CYP4F22: variants seen among roughly 807,000 people sequenced by gnomAD.
CYP4F22 encodes cytochrome P450 family 4 subfamily F member 22.
A neutral mutation model predicts 60.4 loss-of-function variants in CYP4F22; 37 were observed. That is an observed-to-expected ratio of 0.61 (90% CI 0.47 to 0.81). CYP4F22 has a LOEUF of 0.81. Ranked by LOEUF, CYP4F22 falls within the 30% of genes least tolerant of loss-of-function variation. CYP4F22 has a pLI of 0.00. For missense variants in CYP4F22, 655 were observed against 715.0 expected, an observed-to-expected ratio of 0.92 and a Z score of 0.96; for synonymous variants, 258 against 280.5, an observed-to-expected ratio of 0.92 and a Z score of 0.80.
At chr19:15,541,773 G>A (rs976051888) in intron 8 of CYP4F22, among the ~76,000 whole-genome samples, 3 of 151,492 alleles carry the variant, frequency 2.0e-5, no homozygotes, top group East Asian at 1.9e-4. Context: ...CCAGCTACTC[G>A]GGAGGTTGAG....
chr19:15,550,652 T>C (rs1282445287), intron 12 of CYP4F22, 22 bp from the exon 13 acceptor site: 5 of 1,613,828 alleles, frequency 3.1e-6, no homozygotes, highest in South Asian at 1.1e-5. Context: ...CCCAGACTCA[T>C]CTCCAGGCTG....
intron 1 of CYP4F22, among the ~76,000 whole-genome samples, chr19:15,520,345 C>CAAAAAAA (rs1200559538): frequency 1.4e-5 from 1 of 72,114 alleles, no homozygotes; most frequent in Non-Finnish European, 2.6e-5. Context: ...GCCTCCATCT[C>CAAAAAAA]AAAAAAAAAA....
At chr19:15,538,571 T>C (rs1003779508) in intron 7 of CYP4F22, among the ~76,000 whole-genome samples, 2 of 152,126 alleles carry the variant, frequency 1.3e-5, no homozygotes, top group Admixed American at 6.6e-5. Context: ...GAGAACAGGG[T>C]GGTGAACAAC....
At chr19:15,546,955 C>G (rs1178222266) in intron 10 of CYP4F22, among the ~76,000 whole-genome samples, 1 of 150,308 alleles carries the variant, frequency 6.7e-6, no homozygotes, top group Non-Finnish European at 1.5e-5. Flanking sequence ...AAGTTATCCA[C>G]TTGCTTCGGC....
In CYP4F22 at chr19:15,530,979, C is replaced by A. The variant is rs117780788; in HGVS notation, c.367+1126C>A. ...CCAGTAGGTCAGGCATGGTGGTTCA[C>A]ATCTGTAATCCCAACACTTTGGGAA... is the stretch of plus-strand genomic sequence containing the variant. On this transcript the variant is annotated intron_variant, in intron 4 of 13. Coordinates refer to ENST00000269703, the MANE Select transcript of CYP4F22 (RefSeq NM_173483.4). Among the ~76,000 whole-genome samples, 764 of 152,284 alleles carry A rather than the reference C, an allele frequency of 5.0e-3. 2 individuals are homozygous for A. Among genetic ancestry groups the A allele is most frequent in the Non-Finnish European group, 8.0e-3 (544 of 68,028 alleles).
At chr19:15,542,543 T>A (rs535461177) in intron 8 of CYP4F22, among the ~76,000 whole-genome samples, 34 of 152,016 alleles carry the variant, frequency 2.2e-4, no homozygotes, top group African/African-American at 5.3e-4. Context: ...TCTCAAAAAA[T>A]TTTTTTTTAA....
At chr19:15,540,354 C>T in intron 7 of CYP4F22, 96 bp from the exon 8 acceptor site, 1 of 1,434,212 alleles carries the variant, frequency 7.0e-7, no homozygotes, top group Non-Finnish European at 9.8e-7. Context: ...TCTTTGTTAT[C>T]TATTCAATGG....
At chr19:15,527,676 A>G (rs56775488) in intron 3 of CYP4F22, among the ~76,000 whole-genome samples, 10,584 of 152,266 alleles carry the variant, frequency 0.07, 710 homozygotes, top group African/African-American at 0.17. Context: ...GACATGATCA[A>G]GGCTGAGCCT....
intron 1 of CYP4F22, among the ~76,000 whole-genome samples, chr19:15,512,665 A>G (rs1477039403): frequency 6.6e-6 from 1 of 152,084 alleles, no homozygotes; most frequent in African/African-American, 2.4e-5. Flanking sequence ...CTGGTCTCAA[A>G]TTCCTTGGTT....
rs1156776116 is a variant in CYP4F22 at position 15,551,275 on chromosome 19, C to G, written c.1419-19C>G. 11 of 1,607,172 alleles carry G rather than the reference C, an allele frequency of 6.8e-6. No homozygotes were observed. Among genetic ancestry groups the G allele is most frequent in the Non-Finnish European group, 8.5e-6 (10 of 1,176,946 alleles). ...CTCACACAGAAGCTGGGCCTGAGCC[C>G]TGTCCCCTCTTCCTCCAGGAATTGC... On this transcript the variant is annotated intron_variant, in intron 13 of 13. Transcript: ENST00000269703.
intron 4 of CYP4F22, among the ~76,000 whole-genome samples, chr19:15,534,028 T>G (rs112369672): frequency 9.2e-5 from 14 of 152,348 alleles, no homozygotes; most frequent in African/African-American, 3.4e-4. Flanking sequence ...GCCACCTTGC[T>G]GTTTTCCACA....
chr19:15,516,908 C>T (rs1971162335), intron 1 of CYP4F22: 2 of 210,784 alleles, frequency 9.5e-6, no homozygotes, highest in South Asian at 1.4e-4. Context: ...TGGCTCACTG[C>T]AACCTCTGAC....
rs62113244 is a variant in CYP4F22, at chr19:15,548,000, A to T, written c.1137-108A>T. ...GAGAGAGAGAGAGAGAGAGAGGGAG[A>T]GAGTGTGTGTGTGTGTGTGTGTGTG... is the stretch of plus-strand genomic sequence containing the variant. On this transcript the variant is annotated intron_variant, in intron 10 of 13. Transcript: ENST00000269703. 0.024 allele frequency: 7,103 copies of T among 293,340 alleles called. 722 individuals carry two copies. Among genetic ancestry groups the T allele is most frequent in the African/African-American group, 0.17 (2,575 of 15,534 alleles). The allele number at this position is 293,340 out of a possible 1,614,324, so 18.2% of individuals were successfully genotyped here. A position where few individuals can be genotyped will look rare whatever the true frequency, so the allele number is the denominator to read the frequency against.
intron 13 of CYP4F22, 59 bp downstream of exon 13, chr19:15,550,815 A>T (rs932599387): frequency 6.3e-7 from 1 of 1,590,858 alleles, no homozygotes. Flanking sequence ...GCAGGGAAAG[A>T]TCAGGAATGT....
At chr19:15,544,398 T>C (rs1179486115) in intron 10 of CYP4F22, 119 bp downstream of exon 10, 2 of 1,225,986 alleles carry the variant, frequency 1.6e-6, no homozygotes, top group Non-Finnish European at 2.3e-6. Flanking sequence ...GCTTCCTGAA[T>C]TGCAATTTCT....
intron 4 of CYP4F22, among the ~76,000 whole-genome samples, chr19:15,536,447 G>T (rs950116660): frequency 1.4e-4 from 21 of 152,184 alleles, no homozygotes; most frequent in Non-Finnish European, 8.8e-5. Context: ...ATGATTCAGG[G>T]CTTTGAAAAT....
At chr19:15,545,508 G>T (rs931239619) in intron 10 of CYP4F22, among the ~76,000 whole-genome samples, 53 of 151,810 alleles carry the variant, frequency 3.5e-4, no homozygotes, top group Non-Finnish European at 6.5e-4. Context: ...AATTAGCTGG[G>T]TGGGGTGGCG....
chr19:15,532,698 C>T (rs2077110419), intron 4 of CYP4F22, among the ~76,000 whole-genome samples: 1 of 151,802 alleles, frequency 6.6e-6, no homozygotes, highest in African/African-American at 2.4e-5. Flanking sequence ...TTTTCTCCTT[C>T]CTCCTCCCTT....
At chr19:15,535,741 C>G (rs1971388240) in intron 4 of CYP4F22, among the ~76,000 whole-genome samples, 1 of 152,172 alleles carries the variant, frequency 6.6e-6, no homozygotes, top group Non-Finnish European at 1.5e-5. Context: ...CATCCATGTA[C>G]TCATCTGTCC....
Sources: allele counts gnomAD v4.1 joint callset (sites outside exome capture counted in the v4.1 genomes callset), GRCh38; gene constraint gnomAD v4.1.1; transcripts MANE v1.5; gene names NCBI Gene and HGNC (gene_info 2026-07-23, HGNC 2026-07-21).